RUNX1: variants seen among roughly 807,000 people sequenced by gnomAD.
The protein encoded by RUNX1 is runt-related transcription factor 1.
RUNX1 carries 19 observed loss-of-function variants against 42.8 expected under a neutral mutation model. The observed-to-expected ratio is 0.44, with a 90% CI of 0.31 to 0.65. The LOEUF (loss-of-function observed/expected upper bound fraction) is 0.65. RUNX1 is among the 30% of genes least tolerant of loss of function. The pLI, the probability that RUNX1 is intolerant of heterozygous loss-of-function variation, is 0.07. For missense variants in RUNX1, 528 were observed against 672.0 expected (o/e 0.79, Z 2.37); for synonymous variants, 271 against 289.4 (o/e 0.94, Z 0.64).
intron 6 of RUNX1, among the ~76,000 whole-genome samples, chr21:34,858,527 G>C: frequency 6.6e-6 from 1 of 152,146 alleles, no homozygotes; most frequent in Admixed American, 6.5e-5. Context: ...AATTCCACTG[G>C]CTTGCCCATA....
At chr21:34,872,900 A>C (rs1044256993) in intron 5 of RUNX1, among the ~76,000 whole-genome samples, 1 of 152,174 alleles carries the variant, frequency 6.6e-6, no homozygotes, top group Non-Finnish European at 1.5e-5. Context: ...GCTGGGAAAC[A>C]CTGAGCAAGA....
intron 2 of RUNX1, among the ~76,000 whole-genome samples, chr21:35,018,008 T>C (rs987530991): frequency 4.6e-5 from 7 of 151,936 alleles, no homozygotes; most frequent in African/African-American, 1.5e-4. Flanking sequence ...ACCCCAAAAT[T>C]TATATTTCCT....
intron 2 of RUNX1, among the ~76,000 whole-genome samples, chr21:34,912,968 C>T (rs771740669): frequency 3.9e-5 from 6 of 152,272 alleles, no homozygotes; most frequent in African/African-American, 7.2e-5. Context: ...TGATGGCTCA[C>T]GCCTGTAATC....
At position 34,934,273 on chromosome 21, in the gene RUNX1, T is replaced by A. The variant is rs116692449; in HGVS notation, c.59-41310A>T. Among the ~76,000 whole-genome samples the A allele has an allele frequency of 3.8e-3, 586 of 152,308 alleles. 3 individuals are homozygous for A. Among genetic ancestry groups the A allele is most frequent in the African/African-American group, 0.013 (546 of 41,560 alleles). On this transcript the variant is annotated intron_variant, in intron 2 of 8. Transcript: ENST00000675419. ...TTTTGAGTCAAGTTTTTTTTTAATTTTTTTTTAATCATCTTAGGCTAAGAC... is the reference window on the plus strand; with the variant it reads ...TTTTGAGTCAAGTTTTTTTTTAATTATTTTTTAATCATCTTAGGCTAAGAC...
At chr21:34,966,687 C>G (rs115832025) in intron 2 of RUNX1, among the ~76,000 whole-genome samples, 1,958 of 152,322 alleles carry the variant, frequency 0.013, 49 homozygotes, top group African/African-American at 0.044. Context: ...GCGTTTGCTG[C>G]AAATGGAAAT....
intron 2 of RUNX1, among the ~76,000 whole-genome samples, chr21:34,953,536 G>T (rs1197202992): frequency 6.6e-6 from 1 of 152,200 alleles, no homozygotes; most frequent in African/African-American, 2.4e-5. Context: ...GGAGAAGAAA[G>T]ATATAAGGAG....
chr21:34,970,504 T>C (rs2058756039), intron 2 of RUNX1, among the ~76,000 whole-genome samples: 1 of 152,234 alleles, frequency 6.6e-6, no homozygotes, highest in Non-Finnish European at 1.5e-5. Flanking sequence ...GGTTTTAAGA[T>C]TGGCCTTTGC....
chr21:34,881,867 G>C (rs1263896351), intron 4 of RUNX1, among the ~76,000 whole-genome samples: 1 of 152,150 alleles, frequency 6.6e-6, no homozygotes, highest in African/African-American at 2.4e-5. Flanking sequence ...ACTATTGGCT[G>C]TATTTCCTTT....
chr21:34,899,680 T>C lies in RUNX1; in HGVS notation c.59-6717A>G, dbSNP rs150469835. 1.2e-4 allele frequency among the ~76,000 whole-genome samples: 19 copies of C among 152,364 alleles called. No homozygotes were observed. In the East Asian group the frequency reaches 3.7e-3, roughly 29 times the overall value. ...TGAGCAGTGAGTGGTCCATCATTAC[T>C]CCCTTCACTTTACAAATGAGGACAC... On this transcript the variant is annotated intron_variant, in intron 2 of 8. Coordinates refer to ENST00000675419, the MANE Select transcript of RUNX1 (RefSeq NM_001754.5).
chr21:34,811,639 C>G (rs1459525468), intron 7 of RUNX1, among the ~76,000 whole-genome samples: 2 of 152,226 alleles, frequency 1.3e-5, no homozygotes, highest in East Asian at 1.9e-4. Flanking sequence ...TCTCTTTCAG[C>G]AGGGCCTTGC....
chr21:35,004,992 CACAGTTTTAAGACT>C (rs1163192118), intron 2 of RUNX1, among the ~76,000 whole-genome samples: 1 of 152,144 alleles, frequency 6.6e-6, no homozygotes, highest in Non-Finnish European at 1.5e-5. Context: ...ATTTCTGTGC[CACAGTTTTAAGACT>C]AACCACCTCT....
intron 3 of RUNX1, chr21:34,888,514 A>G: frequency 9.4e-7 from 1 of 1,065,946 alleles, no homozygotes; most frequent in South Asian, 4.5e-5. Flanking sequence ...ACAAAAAAAA[A>G]CAACAAAAAA....
intron 5 of RUNX1, among the ~76,000 whole-genome samples, chr21:34,861,865 C>T (rs1479240392): frequency 1.3e-5 from 2 of 152,064 alleles, no homozygotes; most frequent in African/African-American, 2.4e-5. Flanking sequence ...TCATCCTTCA[C>T]CTTTGATTAT....
chr21:34,954,025 A>G (rs2058627487), intron 2 of RUNX1, among the ~76,000 whole-genome samples: 1 of 152,228 alleles, frequency 6.6e-6, no homozygotes. Flanking sequence ...TTAAGTTTTC[A>G]GCAAAGCATT....
intron 8 of RUNX1, among the ~76,000 whole-genome samples, chr21:34,794,106 A>G (rs1384195986): frequency 6.6e-6 from 1 of 152,198 alleles, no homozygotes; most frequent in African/African-American, 2.4e-5. Context: ...TGTGATATTA[A>G]TATAGCAGAT....
chr21:35,047,559 ACACT>A (rs879211216), intron 2 of RUNX1, among the ~76,000 whole-genome samples: 2,065 of 63,674 alleles, frequency 0.032, 14 homozygotes, highest in South Asian at 0.079. Context: ...ACACACACAC[ACACT>A]CTCTCTCTCT....
In RUNX1 at chr21:34,883,834, C is replaced by T. The variant is rs1290386858; in HGVS notation, c.351+3009G>A. ...AGTTACAATTCATTTACTTCAAATC[C>T]GTTAACCTTCCAGTGTTGCAAAGAA... On this transcript the variant is annotated intron_variant, in intron 4 of 8. Coordinates refer to ENST00000675419, the MANE Select transcript of RUNX1 (RefSeq NM_001754.5). Among the ~76,000 whole-genome samples, 5 of 152,188 alleles carry T rather than the reference C, an allele frequency of 3.3e-5. No homozygotes were observed. In the East Asian group the frequency reaches 5.8e-4, roughly 18 times the overall value.
chr21:35,000,214 G>A (rs985407889), intron 2 of RUNX1, among the ~76,000 whole-genome samples: 5 of 149,188 alleles, frequency 3.4e-5, no homozygotes, highest in African/African-American at 9.8e-5. Context: ...GAGGGAAGAC[G>A]ATCATATAAT....
chr21:34,937,448 C>T (rs1356289079), intron 2 of RUNX1, among the ~76,000 whole-genome samples: 5 of 151,294 alleles, frequency 3.3e-5, no homozygotes, highest in Admixed American at 1.3e-4. Context: ...TTCTTTTATT[C>T]CTCAGTATAT....
Sources: allele counts gnomAD v4.1 joint callset (sites outside exome capture counted in the v4.1 genomes callset), GRCh38; gene constraint gnomAD v4.1.1; transcripts MANE v1.5; gene names NCBI Gene and HGNC (gene_info 2026-07-23, HGNC 2026-07-21).